Variants in PIP5K1B observed in about 807,000 individuals in gnomAD.
PIP5K1B encodes the protein phosphatidylinositol-4-phosphate 5-kinase type 1 beta.
PIP5K1B carries 42 observed loss-of-function variants against 67.0 expected under a neutral mutation model. The observed-to-expected ratio is 0.63, with a 90% confidence interval of 0.49 to 0.81. The LOEUF (loss-of-function observed/expected upper bound fraction) is 0.81, where lower values mean the gene tolerates loss of function less well. Ranked by LOEUF, PIP5K1B falls within the 30% of genes least tolerant of loss-of-function variation. PIP5K1B has a pLI of 0.00. For synonymous variants in PIP5K1B, 214 were observed against 231.4 expected, an observed-to-expected ratio of 0.92 and a Z score of 0.68; for missense variants, 459 against 646.3, an observed-to-expected ratio of 0.71 and a Z score of 3.14.
intron 14 of PIP5K1B, among the ~76,000 whole-genome samples, chr9:68,949,991 G>A (rs1293346546): frequency 1.3e-5 from 2 of 152,232 alleles, no homozygotes; most frequent in Non-Finnish European, 2.9e-5. Context: ...AGTTATCGAT[G>A]TACAGAAAAA....
chr9:68,864,065 G>T (rs1823243116), intron 5 of PIP5K1B, 98 bp downstream of exon 5: 1 of 1,137,792 alleles, frequency 8.8e-7, no homozygotes, highest in African/African-American at 1.6e-5. Context: ...ATGTTTATAT[G>T]TACAGATGTG....
At chr9:68,866,230 A>C (rs892481209) in intron 5 of PIP5K1B, among the ~76,000 whole-genome samples, 3 of 151,196 alleles carry the variant, frequency 2.0e-5, no homozygotes, top group African/African-American at 7.3e-5. Flanking sequence ...TGGGAGGCAG[A>C]GGTTGCAGTG....
At chr9:68,937,554 G>T (rs879170050) in intron 13 of PIP5K1B, among the ~76,000 whole-genome samples, 1 of 152,096 alleles carries the variant, frequency 6.6e-6, no homozygotes, top group African/African-American at 2.4e-5. Context: ...CAAAAAACCA[G>T]CTCCTGGATG....
chr9:68,901,304 G>T (rs1003872613), intron 8 of PIP5K1B, among the ~76,000 whole-genome samples: 5 of 152,168 alleles, frequency 3.3e-5, no homozygotes, highest in African/African-American at 1.2e-4. Flanking sequence ...CTGCTGCCCA[G>T]GCTATAGTGT....
chr9:68,780,352 C>T, intron 2 of PIP5K1B: 2 of 1,611,862 alleles, frequency 1.2e-6, no homozygotes, highest in Non-Finnish European at 1.7e-6. Context: ...CGGAACAGCA[C>T]AACGTTCCCG....
At chr9:68,942,843 G>A (rs1279382098) in intron 14 of PIP5K1B, among the ~76,000 whole-genome samples, 2 of 152,098 alleles carry the variant, frequency 1.3e-5, no homozygotes, top group Non-Finnish European at 2.9e-5. Flanking sequence ...AGGTTCACTT[G>A]CAAGAACAAG....
intron 15 of PIP5K1B, among the ~76,000 whole-genome samples, chr9:68,992,772 G>A (rs539021023): frequency 5.4e-5 from 8 of 147,208 alleles, no homozygotes; most frequent in South Asian, 2.2e-4. Flanking sequence ...CCTGGGAGGC[G>A]GAGGTTGCAA....
chr9:68,906,859 T>C (rs1825637414), intron 8 of PIP5K1B, among the ~76,000 whole-genome samples: 1 of 152,236 alleles, frequency 6.6e-6, no homozygotes, highest in Non-Finnish European at 1.5e-5. Flanking sequence ...GGGAGTTCTT[T>C]AGACACAGAG....
chr9:68,738,372 T>G (rs1828845803), intron 1 of PIP5K1B, among the ~76,000 whole-genome samples: 1 of 152,214 alleles, frequency 6.6e-6, no homozygotes, highest in Non-Finnish European at 1.5e-5. Context: ...GAAAATGACT[T>G]TTTAAGGTTA....
chr9:68,840,377 CAAAA>C (rs962426623), intron 4 of PIP5K1B, among the ~76,000 whole-genome samples: 1 of 108,656 alleles, frequency 9.2e-6, no homozygotes. Flanking sequence ...AACTCCATCT[CAAAA>C]AAAAAAAAAA....
intron 15 of PIP5K1B, among the ~76,000 whole-genome samples, chr9:69,005,492 A>G (rs1831034096): frequency 6.6e-6 from 1 of 152,242 alleles, no homozygotes; most frequent in African/African-American, 2.4e-5. Flanking sequence ...GGTTCAAGCA[A>G]TACTCCTCCA....
chr9:68,822,657 C>A lies in PIP5K1B; in HGVS notation c.43C>A (p.Gln15Lys), dbSNP rs17348033. 1.2e-6 allele frequency: 2 copies of A among 1,612,838 alleles called. No individual in the cohort carries two copies. The highest frequency in any genetic ancestry group is 2.7e-5 in the African/African-American group (2 of 74,830). The part of the protein sequence containing the change: ...AENGEAAPGK[Q>K]NEEKTYKKTA... Reference sequence around the variant, plus strand: ...AAATGGAGAGGCAGCACCTGGAAAACAAAATGAAGAAAAAACCTATAAAAA... The same window carrying A: ...AAATGGAGAGGCAGCACCTGGAAAAAAAAATGAAGAAAAAACCTATAAAAA... Residue 15 changes from glutamine (Q) to lysine (K), a missense_variant, in exon 4 of 16, where the codon CAA (glutamine) becomes AAA (lysine). Around this residue, in one of 2 missense-constraint regions of PIP5K1B, gnomAD observed 290 missense variants for 474.4 expected, o/e 0.61. Transcript: ENST00000265382.
At chr9:68,939,598 G>A (rs972794115) in intron 13 of PIP5K1B, among the ~76,000 whole-genome samples, 3 of 152,076 alleles carry the variant, frequency 2.0e-5, no homozygotes, top group African/African-American at 4.8e-5. Context: ...TTTATCCATC[G>A]CTGCAGTTTT....
chr9:68,879,259 T>A (rs1222657431), intron 6 of PIP5K1B, among the ~76,000 whole-genome samples: 1 of 152,134 alleles, frequency 6.6e-6, no homozygotes, highest in African/African-American at 2.4e-5. Context: ...GAGGAGTTGG[T>A]CAAAGCATAC....
intron 14 of PIP5K1B, chr9:68,963,321 G>A: frequency 2.3e-6 from 1 of 429,220 alleles, no homozygotes; most frequent in Non-Finnish European, 4.7e-6. Context: ...TGGGCAATAT[G>A]GTGAAACCCC....
chr9:68,915,004 A>G (rs933597419), intron 8 of PIP5K1B, among the ~76,000 whole-genome samples: 1 of 152,254 alleles, frequency 6.6e-6, no homozygotes, highest in African/African-American at 2.4e-5. Context: ...CGTGAATTAT[A>G]ATCATAGTGA....
chr9:68,878,626 G>A (rs1824019006), intron 6 of PIP5K1B, among the ~76,000 whole-genome samples: 1 of 152,184 alleles, frequency 6.6e-6, no homozygotes, highest in Non-Finnish European at 1.5e-5. Context: ...GCTCATAGTT[G>A]TAGGGAAATT....
At chr9:69,003,975 T>C (rs1226101145) in intron 15 of PIP5K1B, among the ~76,000 whole-genome samples, 1 of 152,242 alleles carries the variant, frequency 6.6e-6, no homozygotes, top group Non-Finnish European at 1.5e-5. Context: ...TAGTGTTTAA[T>C]TATTTAATTT....
chr9:68,936,605 G>A (rs1827279239), intron 13 of PIP5K1B, among the ~76,000 whole-genome samples: 1 of 151,992 alleles, frequency 6.6e-6, no homozygotes, highest in African/African-American at 2.4e-5. Context: ...TTTAAGATGT[G>A]GTGTTATTTC....
Sources: allele counts gnomAD v4.1 joint callset (sites outside exome capture counted in the v4.1 genomes callset), GRCh38; gene constraint gnomAD v4.1.1; regional missense constraint gnomAD v4.1.1; transcripts MANE v1.5; gene names NCBI Gene and HGNC (gene_info 2026-07-23, HGNC 2026-07-21).